The following ARHGAP32 variants were observed in gnomAD, a reference collection of about 807,000 sequenced individuals.
ARHGAP32 encodes the protein rho GTPase-activating protein 32.
Under a neutral mutation model 186.5 loss-of-function variants are expected in ARHGAP32, and 51 were observed. The ratio of observed to expected loss-of-function variants is 0.27; its 90% CI spans 0.22 to 0.35. The LOEUF (loss-of-function observed/expected upper bound fraction) is 0.35. Ranked by LOEUF, ARHGAP32 falls within the 10% of genes least tolerant of loss-of-function variation. ARHGAP32 has a pLI of 1.00. For missense variants in ARHGAP32, 2,186 were observed against 2,623.5 expected (o/e 0.83, Z 3.64); for synonymous variants, 950 against 964.3 (o/e 0.99, Z 0.27).
chr11:129,128,627 T>C (rs977401147), intron 2 of ARHGAP32, among the ~76,000 whole-genome samples: 1 of 145,884 alleles, frequency 6.9e-6, no homozygotes, highest in African/African-American at 2.5e-5. Context: ...CCACCAAAGT[T>C]GTGAAAGCCG....
intron 2 of ARHGAP32, among the ~76,000 whole-genome samples, chr11:129,147,829 G>T (rs1943198660): frequency 6.6e-6 from 1 of 152,092 alleles, no homozygotes; most frequent in African/African-American, 2.4e-5. Flanking sequence ...TGAGAGTCAT[G>T]ATTATATCCT....
chr11:128,972,364 T>G, intron 22 of ARHGAP32, 89 bp downstream of exon 22: 2 of 1,398,324 alleles, frequency 1.4e-6, no homozygotes, highest in Non-Finnish European at 1.9e-6. Context: ...TTGTTGTGTC[T>G]GACTCAAAGA....
intron 1 of ARHGAP32, chr11:129,203,101 A>C (rs1944474787): frequency 6.6e-6 from 1 of 152,196 alleles, no homozygotes; most frequent in Admixed American, 6.5e-5. Context: ...GGGCACACGG[A>C]ACAAGCAAGT....
intron 1 of ARHGAP32, among the ~76,000 whole-genome samples, chr11:129,198,634 C>G (rs1944422454): frequency 6.6e-6 from 1 of 152,152 alleles, no homozygotes; most frequent in South Asian, 2.1e-4. Flanking sequence ...TGAGGCCTCC[C>G]CATGCATGTG....
intron 11 of ARHGAP32, among the ~76,000 whole-genome samples, chr11:129,029,619 C>T (rs1319861497): frequency 3.3e-5 from 5 of 151,832 alleles, no homozygotes; most frequent in African/African-American, 1.2e-4. Flanking sequence ...CTGGCTAACA[C>T]GGTGAAACCC....
chr11:129,110,488 T>C (rs1283723817), intron 5 of ARHGAP32, among the ~76,000 whole-genome samples: 1 of 152,192 alleles, frequency 6.6e-6, no homozygotes, highest in Admixed American at 6.5e-5. Context: ...ATGGCATTGG[T>C]ATTTTCATAG....
At chr11:129,073,664 T>C (rs549698930) in intron 6 of ARHGAP32, among the ~76,000 whole-genome samples, 1 of 150,654 alleles carries the variant, frequency 6.6e-6, no homozygotes, top group South Asian at 2.1e-4. Flanking sequence ...GCAAAACCAA[T>C]ATTTCTAGCA....
intron 1 of ARHGAP32, among the ~76,000 whole-genome samples, chr11:129,203,718 C>CAAAA (rs375747287): frequency 3.7e-5 from 3 of 81,546 alleles, no homozygotes; most frequent in Non-Finnish European, 7.2e-5. Context: ...CTTGTCTCTA[C>CAAAA]AAAAAAAAAA....
chr11:129,253,090 T>C (rs1945207745), intron 1 of ARHGAP32, among the ~76,000 whole-genome samples: 1 of 151,916 alleles, frequency 6.6e-6, no homozygotes, highest in Non-Finnish European at 1.5e-5. Flanking sequence ...CAAATTTGAG[T>C]GGTTTAAAAG....
At chr11:129,266,023 A>G (rs1945395433) in intron 1 of ARHGAP32, among the ~76,000 whole-genome samples, 1 of 152,204 alleles carries the variant, frequency 6.6e-6, no homozygotes, top group African/African-American at 2.4e-5. Context: ...TAGATTAAAA[A>G]ATAACAATAA....
intron 5 of ARHGAP32, among the ~76,000 whole-genome samples, chr11:129,103,649 A>T (rs1161303930): frequency 3.3e-5 from 5 of 152,134 alleles, no homozygotes; most frequent in African/African-American, 4.8e-5. Context: ...TCTATAAAGA[A>T]AAAAACATAC....
At chr11:129,222,065 G>A (rs570320981) in intron 1 of ARHGAP32, among the ~76,000 whole-genome samples, 32 of 152,176 alleles carry the variant, frequency 2.1e-4, no homozygotes, top group African/African-American at 7.2e-4. Context: ...AGCTACTATT[G>A]GAGTTTACTG....
At chr11:128,999,185 G>T (rs535051142) in intron 11 of ARHGAP32, among the ~76,000 whole-genome samples, 23 of 152,276 alleles carry the variant, frequency 1.5e-4, no homozygotes, top group African/African-American at 5.5e-4. Flanking sequence ...CTGGGAAAGA[G>T]AATGCATTCC....
intron 2 of ARHGAP32, among the ~76,000 whole-genome samples, chr11:129,156,311 C>A (rs925698511): frequency 3.3e-5 from 5 of 152,210 alleles, no homozygotes; most frequent in African/African-American, 9.6e-5. Flanking sequence ...AATCCCACCC[C>A]CAAGGAGCCC....
intron 1 of ARHGAP32, among the ~76,000 whole-genome samples, chr11:129,277,003 T>C (rs1262661488): frequency 6.6e-6 from 1 of 152,236 alleles, no homozygotes; most frequent in East Asian, 1.9e-4. Flanking sequence ...TCAAGAATAT[T>C]AGTCTTACTC....
intron 1 of ARHGAP32, among the ~76,000 whole-genome samples, chr11:129,178,113 T>C (rs1943961400): frequency 2.0e-5 from 3 of 151,188 alleles, no homozygotes; most frequent in African/African-American, 7.3e-5. Flanking sequence ...ACAAAATCAA[T>C]GTACAAAAAT....
At position 129,238,756 on chromosome 11, in the gene ARHGAP32, A is replaced by AACACACACACACACAC. The variant is rs71057936; in HGVS notation, c.-5+40374_-5+40389dup. Among the ~76,000 whole-genome samples the AACACACACACACACAC allele has an allele frequency of 8.7e-3, 1,285 of 148,374 alleles. 15 individuals are homozygous for AACACACACACACACAC. The highest frequency in any genetic ancestry group is 0.03 in the African/African-American group (1,184 of 40,094). ...TTGCATAATCATAGAACTTATTTTA[A>AACACACACACACACAC]ACACACACACACACACACACACACA... On this transcript the variant is annotated intron_variant, in intron 1 of 6. Coordinates refer to the ARHGAP32 transcript ENST00000525234.
Position 128,968,597 on chromosome 11 carries a change from C to T in ARHGAP32, c.*310G>A. On this transcript the variant is annotated 3_prime_UTR_variant, in exon 23 of 23. Coordinates refer to ENST00000682385, the MANE Select transcript of ARHGAP32 (RefSeq NM_001378024.1). Reference sequence around the variant, plus strand: ...AATTCAAATTCAGTTAAAGGCAGTCCTCAGGCTCTTTCAAGCTAGCCCTAG... The same window carrying T: ...AATTCAAATTCAGTTAAAGGCAGTCTTCAGGCTCTTTCAAGCTAGCCCTAG... 4.4e-6 allele frequency: 1 copy of T among 227,682 alleles called. No homozygotes were observed. The highest frequency in any genetic ancestry group is 1.5e-3 in the Middle Eastern group (1 of 680). The allele number at this position is 227,682 out of a possible 1,614,324, so 14.1% of individuals were successfully genotyped here. A position where few individuals can be genotyped will look rare whatever the true frequency, so the allele number is the denominator to read the frequency against.
intron 1 of ARHGAP32, among the ~76,000 whole-genome samples, chr11:129,213,462 G>A (rs1944607549): frequency 1.3e-5 from 2 of 152,212 alleles, no homozygotes; most frequent in Admixed American, 1.3e-4. Flanking sequence ...GTGCGTAACA[G>A]TAATGGAGAA....
Sources: allele counts gnomAD v4.1 joint callset (sites outside exome capture counted in the v4.1 genomes callset), GRCh38; gene constraint gnomAD v4.1.1; transcripts MANE v1.5; gene names NCBI Gene and HGNC (gene_info 2026-07-23, HGNC 2026-07-21).